The following NDE1 variants were observed in gnomAD, a reference collection of about 807,000 sequenced individuals.
NDE1 encodes nudE neurodevelopment protein 1.
Under a neutral mutation model 43.4 loss-of-function variants are expected in NDE1, and 28 were observed. The observed-to-expected ratio is 0.65, with a 90% CI of 0.48 to 0.89. The LOEUF is 0.89. NDE1 is among the 40% of genes least tolerant of loss of function. The pLI, the probability that NDE1 is intolerant of heterozygous loss-of-function variation, is 0.00. For missense variants in NDE1, 441 were observed against 434.1 expected, an observed-to-expected ratio of 1.02 and a Z score of -0.14; for synonymous variants, 184 against 172.0, an observed-to-expected ratio of 1.07 and a Z score of -0.55.
At chr16:15,707,955 G>A (rs1260024181) in intron 8 of NDE1, among the ~76,000 whole-genome samples, 4 of 77,464 alleles carry the variant, frequency 5.2e-5, no homozygotes, top group South Asian at 5.2e-4. Flanking sequence ...GCGAGACTCC[G>A]TCTCAAAAAA....
intron 3 of NDE1, among the ~76,000 whole-genome samples, chr16:15,668,040 C>T (rs1355558886): frequency 6.6e-6 from 1 of 151,646 alleles, no homozygotes; most frequent in African/African-American, 2.4e-5. Flanking sequence ...TTACAGCTCA[C>T]TGCACCCTGG....
At position 15,667,367 on chromosome 16, in the gene NDE1, A is replaced by G. The variant is rs1359842424; in HGVS notation, c.165A>G (p.Gln55=). 4 of 1,613,998 alleles carry G rather than the reference A, an allele frequency of 2.5e-6. No homozygotes were observed. The highest frequency in any genetic ancestry group is 2.5e-6 in the Non-Finnish European group (3 of 1,180,008). The change falls in exon 3 of 9, where the codon CAA becomes CAG. Residue 55 remains glutamine, a synonymous_variant. Coordinates refer to ENST00000396354, the MANE Select transcript of NDE1 (RefSeq NM_017668.3). Reference sequence around the variant, plus strand: ...AAGCTGAATTGGAGACGCAGCTGCAACAAATTGAAACCAGGAACAGAGACC... The same window carrying G: ...AAGCTGAATTGGAGACGCAGCTGCAGCAAATTGAAACCAGGAACAGAGACC... The part of the protein sequence containing the change: ...EYEAELETQL[Q]QIETRNRDLL...
At chr16:15,721,499 C>G (rs1342399412) in intron 8 of NDE1, 1 of 1,614,216 alleles carries the variant, frequency 6.2e-7, no homozygotes, top group South Asian at 1.1e-5. Flanking sequence ...CGCTCGAGTT[C>G]CTCTTTGGCT....
intron 8 of NDE1, chr16:15,703,716 G>A: frequency 2.1e-6 from 1 of 473,930 alleles, no homozygotes; most frequent in South Asian, 2.1e-5. Context: ...AGCCTCCCTA[G>A]TAGCTGGGAC....
At chr16:15,694,538 G>T (rs2038919368) in intron 7 of NDE1, 10 of 800,470 alleles carry the variant, frequency 1.2e-5, no homozygotes, top group Non-Finnish European at 1.4e-5. Flanking sequence ...GTAGTAATGT[G>T]GGTATCGCTG....
chr16:15,674,493 C>G (rs1159556750), intron 3 of NDE1, among the ~76,000 whole-genome samples: 2 of 152,192 alleles, frequency 1.3e-5, no homozygotes, highest in African/African-American at 4.8e-5. Context: ...AGGTGATCCA[C>G]CTGCCTCAGC....
chr16:15,662,572 C>T (rs557941689), intron 1 of NDE1, among the ~76,000 whole-genome samples: 9 of 151,804 alleles, frequency 5.9e-5, no homozygotes, highest in East Asian at 3.9e-4. Flanking sequence ...CATGAGCCAC[C>T]GTGCCTGGTC....
intron 1 of NDE1, among the ~76,000 whole-genome samples, chr16:15,658,805 T>C (rs1299092479): frequency 6.6e-6 from 1 of 152,082 alleles, no homozygotes. Context: ...CATAGGTGCC[T>C]GCCACCACAC....
intron 4 of NDE1, chr16:15,684,668 C>A (rs1413937495): frequency 6.6e-6 from 1 of 151,748 alleles, no homozygotes; most frequent in East Asian, 1.9e-4. Flanking sequence ...TTAAAATTTC[C>A]GATTCAGTCG....
chr16:15,667,705 C>T (rs2037387732), intron 3 of NDE1, among the ~76,000 whole-genome samples: 2 of 145,210 alleles, frequency 1.4e-5, no homozygotes, highest in African/African-American at 2.6e-5. Flanking sequence ...GATCTTGGCT[C>T]ACTGCAACCT....
intron 8 of NDE1, chr16:15,701,975 CCA>C (rs2039235472): frequency 6.6e-6 from 1 of 152,030 alleles, no homozygotes; most frequent in Non-Finnish European, 1.5e-5. Context: ...TAATGTTTTC[CCA>C]CAGAGTGGTG....
chr16:15,721,682 C>T (rs771836311), intron 8 of NDE1: 16 of 1,595,442 alleles, frequency 1.0e-5, no homozygotes, highest in East Asian at 8.9e-5. Context: ...CCGGGGTCAG[C>T]GTCACTGAAT....
At position 15,690,556 on chromosome 16, in the gene NDE1, T is replaced by C. The variant is rs185473542; in HGVS notation, c.524-588T>C. On this transcript the variant is annotated intron_variant, in intron 5 of 8. Coordinates refer to ENST00000396354, the MANE Select transcript of NDE1 (RefSeq NM_017668.3). ...ATTTAGTGTTCTAAATACACTGCTA[T>C]GTTGGAATTGTTTTTTCAATAATAA... Among the ~76,000 whole-genome samples the C allele has an allele frequency of 1.6e-3, 245 of 151,840 alleles. 4 individuals carry two copies. Among genetic ancestry groups the C allele is most frequent in the Non-Finnish European group, 1.6e-4 (11 of 67,934 alleles).
In NDE1 at chr16:15,714,972, T is replaced by G. The variant is rs1178911566; in HGVS notation, c.948-9219T>G. On this transcript the variant is annotated intron_variant, in intron 8 of 8. Coordinates refer to ENST00000396354, the MANE Select transcript of NDE1 (RefSeq NM_017668.3). The stretch of plus-strand genomic sequence containing the variant: ...GGCCTCGTTGCTCTCCGTGGCCTCA[T>G]CCAGCTCCCGCTGCAGCTTCCTGCG... 5 of 1,613,984 alleles carry G rather than the reference T, an allele frequency of 3.1e-6. No homozygotes were observed. The Admixed American group carries it at 8.3e-5, about 27-fold the overall frequency.
In NDE1 at chr16:15,715,186, A is replaced by G. The variant is rs2040057043; in HGVS notation, c.948-9005A>G. 9 of 1,613,802 alleles carry G rather than the reference A, an allele frequency of 5.6e-6. No individual in the cohort carries two copies. Among genetic ancestry groups the G allele is most frequent in the Non-Finnish European group, 7.6e-6 (9 of 1,180,020 alleles). On this transcript the variant is annotated intron_variant, in intron 8 of 8. Transcript: ENST00000396354. ...TACCTGCTCCTTGTACTGCTCGGCCATCTTGCGCTCGTCCTCCACCTGCAG... is the reference window on the plus strand; with the variant it reads ...TACCTGCTCCTTGTACTGCTCGGCCGTCTTGCGCTCGTCCTCCACCTGCAG...
chr16:15,684,237 GA>G (rs201884482), intron 4 of NDE1: 2 of 149,064 alleles, frequency 1.3e-5, no homozygotes, highest in South Asian at 2.1e-4. Flanking sequence ...TCTCAAAAAA[GA>G]AAAAAAAAGG....
intron 4 of NDE1, among the ~76,000 whole-genome samples, chr16:15,682,632 T>C (rs1213548308): frequency 6.6e-6 from 1 of 152,236 alleles, no homozygotes. Flanking sequence ...AAAGGTTACT[T>C]TGTTTCATAT....
At chr16:15,697,589 T>C (rs1002762053) in intron 8 of NDE1, among the ~76,000 whole-genome samples, 6 of 152,152 alleles carry the variant, frequency 3.9e-5, no homozygotes, top group Non-Finnish European at 8.8e-5. Context: ...AGCATGTGCC[T>C]ATAGTCCCAG....
intron 1 of NDE1, among the ~76,000 whole-genome samples, chr16:15,644,728 A>G (rs926582342): frequency 6.6e-6 from 1 of 152,232 alleles, no homozygotes; most frequent in African/African-American, 2.4e-5. Context: ...CTTTTTTCAA[A>G]GTACCAAACA....
Sources: allele counts gnomAD v4.1 joint callset (sites outside exome capture counted in the v4.1 genomes callset), GRCh38; gene constraint gnomAD v4.1.1; transcripts MANE v1.5; gene names NCBI Gene and HGNC (gene_info 2026-07-23, HGNC 2026-07-21).